ADAMTS17: variants seen among roughly 807,000 people sequenced by gnomAD.
ADAMTS17 encodes the protein ADAM metallopeptidase with thrombospondin type 1 motif 17, also known as A disintegrin and metalloproteinase with thrombospondin motifs 17.
A neutral mutation model predicts 141.5 loss-of-function variants in ADAMTS17; 113 were observed. The ratio of observed to expected loss-of-function variants is 0.80; its 90% CI spans 0.69 to 0.93. ADAMTS17 has a LOEUF of 0.93. ADAMTS17 is among the 40% of genes least tolerant of loss of function. ADAMTS17 has a pLI of 0.00. For missense variants in ADAMTS17, 1,659 were observed against 1,517.9 expected (o/e 1.09, Z -1.54); for synonymous variants, 768 against 630.6 (o/e 1.22, Z -3.27).
intron 14 of ADAMTS17, among the ~76,000 whole-genome samples, chr15:100,100,466 ACAGCTTCT>A (rs1405841175): frequency 6.6e-6 from 1 of 152,078 alleles, no homozygotes; most frequent in Non-Finnish European, 1.5e-5. Flanking sequence ...TTTCAATGCG[ACAGCTTCT>A]CCTCCAAAGC....
At chr15:100,222,407 G>T (rs1428332477) in intron 7 of ADAMTS17, among the ~76,000 whole-genome samples, 1 of 152,166 alleles carries the variant, frequency 6.6e-6, no homozygotes, top group Non-Finnish European at 1.5e-5. Context: ...ATTCAAATAA[G>T]CGTGGCTTTG....
chr15:100,087,459 A>G (rs2035182640), intron 15 of ADAMTS17, among the ~76,000 whole-genome samples: 1 of 129,926 alleles, frequency 7.7e-6, no homozygotes, highest in South Asian at 2.2e-4. Flanking sequence ...ATCAATAGAA[A>G]AAGAGGGAAT....
At chr15:100,031,716 T>C (rs2030186749) in intron 18 of ADAMTS17, among the ~76,000 whole-genome samples, 2 of 152,186 alleles carry the variant, frequency 1.3e-5, no homozygotes, top group Admixed American at 1.3e-4. Flanking sequence ...GCACATTCCC[T>C]CCACCAGTAT....
At chr15:100,008,052 A>T (rs2061072738) in intron 18 of ADAMTS17, among the ~76,000 whole-genome samples, 1 of 151,958 alleles carries the variant, frequency 6.6e-6, no homozygotes, top group Non-Finnish European at 1.5e-5. Flanking sequence ...TGGATTTGGC[A>T]GCAGGGAAAG....
intron 7 of ADAMTS17, among the ~76,000 whole-genome samples, chr15:100,203,520 A>G (rs1183207798): frequency 6.6e-6 from 1 of 152,216 alleles, no homozygotes; most frequent in Non-Finnish European, 1.5e-5. Context: ...CCTGGCTAAC[A>G]TGGTGAAACC....
intron 4 of ADAMTS17, among the ~76,000 whole-genome samples, chr15:100,264,524 C>G (rs967222839): frequency 2.6e-5 from 4 of 152,278 alleles, no homozygotes; most frequent in African/African-American, 9.6e-5. Context: ...TTAAGGAATA[C>G]TACAGATTTA....
At chr15:100,167,649 A>G (rs928347697) in intron 8 of ADAMTS17, among the ~76,000 whole-genome samples, 14 of 152,180 alleles carry the variant, frequency 9.2e-5, no homozygotes, top group African/African-American at 3.4e-4. Flanking sequence ...GATGGCATGC[A>G]GTGTAATTAA....
chr15:100,207,628 AC>A (rs1435409407), intron 7 of ADAMTS17, among the ~76,000 whole-genome samples: 1 of 152,154 alleles, frequency 6.6e-6, no homozygotes, highest in Admixed American at 6.5e-5. Flanking sequence ...AGTTACAAAA[AC>A]GCTTGGTAGA....
chr15:100,050,555 C>G (rs556426763), intron 17 of ADAMTS17, among the ~76,000 whole-genome samples: 2 of 152,276 alleles, frequency 1.3e-5, no homozygotes, highest in South Asian at 4.1e-4. Flanking sequence ...GGCCAAGATG[C>G]CCAGGAAGAA....
chr15:100,004,135 G>T (rs1330750081), intron 18 of ADAMTS17, among the ~76,000 whole-genome samples: 1 of 152,266 alleles, frequency 6.6e-6, no homozygotes, highest in Non-Finnish European at 1.5e-5. Flanking sequence ...CAGCCGAAGG[G>T]GAGAGCAGAG....
In ADAMTS17 at chr15:100,341,301, C is replaced by A. The variant is rs1196134049; in HGVS notation, c.188G>T (p.Arg63Leu). The A allele has an allele frequency of 6.4e-6, 7 of 1,085,392 alleles. No individual in the cohort carries two copies. Among genetic ancestry groups the A allele is most frequent in the South Asian group, 4.3e-5 (1 of 23,168 alleles). 67.2% of individuals were successfully genotyped at this position (1,085,392 alleles called of 1,614,324 possible). Residue 63 changes from arginine (R) to leucine (L), a missense_variant, in exon 2 of 22, where the codon CGA (arginine) becomes CTA (leucine). Transcript: ENST00000268070. ...GGCGGCTGGGGGCGTGCGGGGGCGT[C>A]GCCGCCGTCGGGGCCCGGGGGCTGC... Reference protein sequence around the residue: ...LPAAPGPRRRRRPRTPPAAPR... With the variant: ...LPAAPGPRRRLRPRTPPAAPR...
At chr15:100,143,625 T>C (rs949625119) in intron 10 of ADAMTS17, among the ~76,000 whole-genome samples, 1 of 152,238 alleles carries the variant, frequency 6.6e-6, no homozygotes, top group Non-Finnish European at 1.5e-5. Context: ...CTAGTTCATA[T>C]TTCCATAGAC....
chr15:100,233,992 C>T (rs2042573668), intron 7 of ADAMTS17, among the ~76,000 whole-genome samples: 2 of 152,086 alleles, frequency 1.3e-5, no homozygotes, highest in Non-Finnish European at 1.5e-5. Flanking sequence ...AGCAGGGAAC[C>T]CACAGGATCT....
chr15:100,194,953 C>A (rs1045267302), intron 8 of ADAMTS17, among the ~76,000 whole-genome samples: 7 of 152,180 alleles, frequency 4.6e-5, no homozygotes, highest in Non-Finnish European at 7.3e-5. Flanking sequence ...AAAAGGAGAC[C>A]CCGGCTAAAA....
At chr15:100,324,900 A>G (rs1401428419) in intron 3 of ADAMTS17, among the ~76,000 whole-genome samples, 3 of 152,216 alleles carry the variant, frequency 2.0e-5, no homozygotes, top group Non-Finnish European at 4.4e-5. Context: ...CATTACAAGG[A>G]AACTGAAGCT....
At chr15:100,042,898 G>T (rs2031375906) in intron 18 of ADAMTS17, among the ~76,000 whole-genome samples, 1 of 152,210 alleles carries the variant, frequency 6.6e-6, no homozygotes, top group Non-Finnish European at 1.5e-5. Flanking sequence ...CACAGAAAGT[G>T]AAACTGCAAA....
intron 7 of ADAMTS17, among the ~76,000 whole-genome samples, chr15:100,230,956 A>G (rs2042462990): frequency 6.6e-6 from 1 of 152,178 alleles, no homozygotes; most frequent in Non-Finnish European, 1.5e-5. Flanking sequence ...GGGATTAGCA[A>G]TAAAGCAAGG....
chr15:100,149,769 A>G (rs1245914305), intron 10 of ADAMTS17, among the ~76,000 whole-genome samples: 1 of 152,194 alleles, frequency 6.6e-6, no homozygotes, highest in Non-Finnish European at 1.5e-5. Flanking sequence ...TGCTCCATCC[A>G]TGAGTCACAC....
chr15:100,248,710 G>C (rs2043060788), intron 7 of ADAMTS17, among the ~76,000 whole-genome samples: 1 of 152,170 alleles, frequency 6.6e-6, no homozygotes, highest in Admixed American at 6.5e-5. Flanking sequence ...AATTCCCAAG[G>C]GGGTCATCCT....
Sources: gnomAD v4.1 joint callset for allele counts (sites outside exome capture counted in the v4.1 genomes callset) on GRCh38, gnomAD v4.1.1 for gene constraint, MANE v1.5 for transcripts, NCBI Gene and HGNC (gene_info 2026-07-23, HGNC 2026-07-21) for gene names.